ROR2: variants seen among roughly 807,000 people sequenced by gnomAD.
ROR2 encodes the protein tyrosine-protein kinase transmembrane receptor ROR2.
ROR2 carries 33 observed loss-of-function variants against 74.9 expected under a neutral mutation model. That is an observed-to-expected ratio of 0.44 (90% CI 0.33 to 0.59). The LOEUF is 0.59. ROR2 is among the 20% of genes least tolerant of loss of function. The pLI, the probability that ROR2 is intolerant of heterozygous loss-of-function variation, is 0.02. For missense variants in ROR2, 1,216 were observed against 1,313.8 expected, an observed-to-expected ratio of 0.93 and a Z score of 1.15; for synonymous variants, 586 against 558.7, an observed-to-expected ratio of 1.05 and a Z score of -0.69.
At chr9:91,857,884 G>C (rs933509946) in intron 1 of ROR2, among the ~76,000 whole-genome samples, 1 of 152,180 alleles carries the variant, frequency 6.6e-6, no homozygotes, top group African/African-American at 2.4e-5. Flanking sequence ...TGATAAAAGA[G>C]AGTAACTTAA....
At chr9:91,824,109 C>T (rs570915556) in intron 1 of ROR2, among the ~76,000 whole-genome samples, 75 of 152,340 alleles carry the variant, frequency 4.9e-4, no homozygotes, top group African/African-American at 1.8e-3. Flanking sequence ...ATAGAATCTG[C>T]CAGACTTTCT....
chr9:91,775,705 G>T, intron 2 of ROR2, 36 bp downstream of exon 2: 1 of 1,590,644 alleles, frequency 6.3e-7, no homozygotes, highest in Non-Finnish European at 8.6e-7. Context: ...CAGGGCATTT[G>T]GAGGACATGG....
intron 1 of ROR2, among the ~76,000 whole-genome samples, chr9:91,837,671 A>C (rs1161509473): frequency 6.6e-6 from 1 of 152,162 alleles, no homozygotes; most frequent in Non-Finnish European, 1.5e-5. Flanking sequence ...CAGTTGTCTC[A>C]TTTTCAAGAT....
chr9:91,783,570 GTCCTCCCACT>G (rs1826693961), intron 1 of ROR2, among the ~76,000 whole-genome samples: 1 of 151,868 alleles, frequency 6.6e-6, no homozygotes, highest in South Asian at 2.1e-4. Context: ...GAGACCGGCA[GTCCTCCCACT>G]TCACCCCTCC....
chr9:91,826,789 AAAAAAGAAAAAAG>A (rs1828305306), intron 1 of ROR2, among the ~76,000 whole-genome samples: 1 of 128,030 alleles, frequency 7.8e-6, no homozygotes, highest in Non-Finnish European at 1.7e-5. Context: ...GTCTCAAAAA[AAAAAAGAAAAAAG>A]AAAAAAGAAA....
intron 1 of ROR2, among the ~76,000 whole-genome samples, chr9:91,915,063 C>T (rs923065875): frequency 3.2e-4 from 49 of 152,218 alleles, no homozygotes; most frequent in African/African-American, 1.1e-3. Context: ...ATCATCATCC[C>T]GAGAACAGCA....
At position 91,818,430 on chromosome 9, in the gene ROR2, AACC is replaced by A. The variant is rs1828015928; in HGVS notation, c.98-42615_98-42613del. Among the ~76,000 whole-genome samples the A allele has an allele frequency of 2.0e-5, 3 of 150,236 alleles. No individual in the cohort carries two copies. The South Asian group carries it at 6.5e-4, about 32-fold the overall frequency. On this transcript the variant is annotated intron_variant, in intron 1 of 8. Coordinates refer to ENST00000375708, the MANE Select transcript of ROR2 (RefSeq NM_004560.4). ...AGGCTATCTCCCTGTACTCCACCAC[AACC>A]ACCAACTCCCGCCCACCACGCCCCC...
At chr9:91,848,847 G>C (rs1829011465) in intron 1 of ROR2, among the ~76,000 whole-genome samples, 2 of 151,992 alleles carry the variant, frequency 1.3e-5, no homozygotes, top group African/African-American at 2.4e-5. Flanking sequence ...TGAGAGTTGG[G>C]AACATGTTTA....
intron 1 of ROR2, among the ~76,000 whole-genome samples, chr9:91,839,324 A>ATGTG (rs1466039466): frequency 1.6e-5 from 2 of 126,298 alleles, no homozygotes; most frequent in Non-Finnish European, 3.4e-5. Context: ...CTGTGTGTAT[A>ATGTG]TGTGTGGTGT....
At chr9:91,865,337 G>C (rs899734749) in intron 1 of ROR2, among the ~76,000 whole-genome samples, 1 of 152,208 alleles carries the variant, frequency 6.6e-6, no homozygotes, top group Admixed American at 6.5e-5. Context: ...CCAGATTAGA[G>C]ACACTCAAGG....
chr9:91,899,370 T>A (rs1248304654), intron 1 of ROR2, among the ~76,000 whole-genome samples: 1 of 152,112 alleles, frequency 6.6e-6, no homozygotes, highest in Non-Finnish European at 1.5e-5. Context: ...ATACCATGTG[T>A]GGGGCCCCAG....
At chr9:91,924,281 G>A (rs939929206) in intron 1 of ROR2, among the ~76,000 whole-genome samples, 2 of 152,178 alleles carry the variant, frequency 1.3e-5, no homozygotes, top group Non-Finnish European at 2.9e-5. Flanking sequence ...GGGACTGCCC[G>A]GCCATCCCTC....
intron 1 of ROR2, among the ~76,000 whole-genome samples, chr9:91,787,691 T>A (rs997797185): frequency 1.3e-5 from 2 of 151,938 alleles, no homozygotes; most frequent in Non-Finnish European, 2.9e-5. Flanking sequence ...AAACACAGCA[T>A]CAACAACAAA....
chr9:91,821,100 C>T (rs894425943), intron 1 of ROR2, among the ~76,000 whole-genome samples: 19 of 124,406 alleles, frequency 1.5e-4, no homozygotes, highest in African/African-American at 5.4e-4. Flanking sequence ...GACTTCGTCT[C>T]AAAAAAAAAA....
intron 4 of ROR2, among the ~76,000 whole-genome samples, chr9:91,755,350 C>T (rs1361957454): frequency 6.6e-6 from 1 of 152,228 alleles, no homozygotes; most frequent in African/African-American, 2.4e-5. Flanking sequence ...TTGTTCAGAA[C>T]ATCTCAAAGT....
At chr9:91,822,552 T>C (rs902533809) in intron 1 of ROR2, among the ~76,000 whole-genome samples, 3 of 152,220 alleles carry the variant, frequency 2.0e-5, no homozygotes, top group Non-Finnish European at 4.4e-5. Context: ...AGGCTTTTCT[T>C]TTCAGTAGAA....
intron 2 of ROR2, among the ~76,000 whole-genome samples, chr9:91,771,889 C>A (rs1406176972): frequency 1.3e-5 from 2 of 152,236 alleles, no homozygotes; most frequent in Admixed American, 1.3e-4. Flanking sequence ...AGGCCAATGT[C>A]ACCTGCCAGT....
intron 1 of ROR2, among the ~76,000 whole-genome samples, chr9:91,881,456 T>C (rs1369243229): frequency 6.6e-6 from 1 of 152,222 alleles, no homozygotes; most frequent in Non-Finnish European, 1.5e-5. Context: ...TTATATCTGT[T>C]AGTGTATGGT....
intron 1 of ROR2, among the ~76,000 whole-genome samples, chr9:91,856,279 C>T (rs1364933921): frequency 6.6e-6 from 1 of 152,178 alleles, no homozygotes; most frequent in African/African-American, 2.4e-5. Flanking sequence ...TCACCTAGCC[C>T]AGCAGGTGGA....
Sources: allele counts gnomAD v4.1 joint callset (sites outside exome capture counted in the v4.1 genomes callset), GRCh38; gene constraint gnomAD v4.1.1; transcripts MANE v1.5; gene names NCBI Gene and HGNC (gene_info 2026-07-23, HGNC 2026-07-21).